The following CCDC50 variants were observed in gnomAD, a reference collection of about 807,000 sequenced individuals.
The protein encoded by CCDC50 is coiled-coil domain containing 50.
In CCDC50, 54 loss-of-function variants were observed where a neutral mutation model predicts 70.2. The observed-to-expected ratio is 0.77, with a 90% CI of 0.62 to 0.96. The LOEUF (loss-of-function observed/expected upper bound fraction) is 0.96. CCDC50 is among the 50% of genes least tolerant of loss of function. The pLI, the probability that CCDC50 is intolerant of heterozygous loss-of-function variation, is 0.00. For synonymous variants in CCDC50, 216 were observed against 198.8 expected, an observed-to-expected ratio of 1.09 and a Z score of -0.73; for missense variants, 558 against 578.7, an observed-to-expected ratio of 0.96 and a Z score of 0.37.
At chr3:191,374,660 G>A (rs1233919378) in intron 5 of CCDC50, among the ~76,000 whole-genome samples, 1 of 152,092 alleles carries the variant, frequency 6.6e-6, no homozygotes, top group Non-Finnish European at 1.5e-5. Context: ...AAATTACAAA[G>A]CTTAATTTTT....
At chr3:191,381,775 G>T (rs558851233) in intron 9 of CCDC50, among the ~76,000 whole-genome samples, 1 of 152,070 alleles carries the variant, frequency 6.6e-6, no homozygotes, top group Non-Finnish European at 1.5e-5. Context: ...TGAAACCTAG[G>T]TTGTGTATTC....
chr3:191,393,872 G>C lies in CCDC50; in HGVS notation c.*2112G>C, dbSNP rs1461058108. On this transcript the variant is annotated 3_prime_UTR_variant, in exon 12 of 12. Coordinates refer to ENST00000392455, the MANE Select transcript of CCDC50 (RefSeq NM_178335.3). ...AAAGTTTTTTTATTGTAATTTTAAA[G>C]GAAAAAAACAATGTATTTTTATTTG... 6.6e-6 allele frequency: 1 copy of C among 151,892 alleles called. No homozygotes were observed. Among genetic ancestry groups the C allele is most frequent in the Non-Finnish European group, 1.5e-5 (1 of 67,956 alleles). 9.4% of individuals were successfully genotyped at this position (151,892 alleles called of 1,614,324 possible). A position where few individuals can be genotyped will look rare whatever the true frequency, so the allele number is the denominator to read the frequency against.
intron 11 of CCDC50, among the ~76,000 whole-genome samples, chr3:191,391,151 A>G (rs1449256334): frequency 6.6e-6 from 1 of 152,210 alleles, no homozygotes; most frequent in African/African-American, 2.4e-5. Context: ...TTTATTTGTT[A>G]TGATTTTTGA....
rs1310833137 is a variant in CCDC50, at chr3:191,370,043, A to G, written c.448+7A>G. 2.0e-6 allele frequency: 3 copies of G among 1,522,748 alleles called. No individual in the cohort carries two copies. Among genetic ancestry groups the G allele is most frequent in the African/African-American group, 2.7e-5 (2 of 73,192 alleles). The allele number at this position is 1,522,748 out of a possible 1,614,324, so 94.3% of individuals were successfully genotyped here. A position where few individuals can be genotyped will look rare whatever the true frequency, so the allele number is the denominator to read the frequency against. On this transcript the variant is annotated splice_region_variant and intron_variant, in intron 5 of 11. Coordinates refer to ENST00000392455, the MANE Select transcript of CCDC50 (RefSeq NM_178335.3). Reference sequence around the variant, plus strand: ...TACTATTATGAAGATGGAGGTAACAATTCCTGCATCATGATCTATTCTATC... The same window carrying G: ...TACTATTATGAAGATGGAGGTAACAGTTCCTGCATCATGATCTATTCTATC...
At chr3:191,382,281 T>C (rs1347550202) in intron 9 of CCDC50, among the ~76,000 whole-genome samples, 1 of 152,178 alleles carries the variant, frequency 6.6e-6, no homozygotes, top group Non-Finnish European at 1.5e-5. Flanking sequence ...TTGACTTGAA[T>C]GTGCCTTAGT....
chr3:191,394,436 T>C lies in CCDC50; in HGVS notation c.*2676T>C, dbSNP rs1440137448. The C allele has an allele frequency of 6.6e-6, 1 of 152,166 alleles. No individual in the cohort carries two copies. 9.4% of individuals were successfully genotyped at this position (152,166 alleles called of 1,614,324 possible). A position where few individuals can be genotyped will look rare whatever the true frequency, so the allele number is the denominator to read the frequency against. Reference sequence around the variant, plus strand: ...GACACTTTTCACTGTGTTCTCTGCTTTTTACTTTGTCATTTTTATATAAAT... The same window carrying C: ...GACACTTTTCACTGTGTTCTCTGCTCTTTACTTTGTCATTTTTATATAAAT... On this transcript the variant is annotated 3_prime_UTR_variant, in exon 12 of 12. Coordinates refer to ENST00000392455, the MANE Select transcript of CCDC50 (RefSeq NM_178335.3).
intron 4 of CCDC50, among the ~76,000 whole-genome samples, chr3:191,364,072 T>G (rs1712588844): frequency 6.9e-6 from 1 of 145,064 alleles, no homozygotes; most frequent in Non-Finnish European, 1.5e-5. Flanking sequence ...CTCTTAGTTC[T>G]TATTTTTTTT....
intron 1 of CCDC50, among the ~76,000 whole-genome samples, chr3:191,346,426 A>G (rs909024885): frequency 6.6e-6 from 1 of 152,232 alleles, no homozygotes; most frequent in African/African-American, 2.4e-5. Context: ...CTAAATTTAA[A>G]TAGAAAAGTC....
At chr3:191,374,238 A>G (rs1478211788) in intron 5 of CCDC50, among the ~76,000 whole-genome samples, 2 of 152,184 alleles carry the variant, frequency 1.3e-5, no homozygotes, top group Non-Finnish European at 2.9e-5. Context: ...TGAAGTTTAT[A>G]TTAAATTTGG....
intron 1 of CCDC50, among the ~76,000 whole-genome samples, chr3:191,342,999 T>A (rs1446467243): frequency 1.3e-5 from 2 of 152,170 alleles, no homozygotes; most frequent in Non-Finnish European, 2.9e-5. Context: ...ACAGTGTGGG[T>A]TTGAACTGTG....
intron 1 of CCDC50, among the ~76,000 whole-genome samples, chr3:191,329,953 G>T (rs1174267649): frequency 7.1e-6 from 1 of 141,508 alleles, no homozygotes; most frequent in Admixed American, 7.1e-5. Flanking sequence ...GGGGGGGGGG[G>T]GGGCTAGCAG....
At chr3:191,329,944 G>C (rs113576372) in intron 1 of CCDC50, among the ~76,000 whole-genome samples, 1 of 29,194 alleles carries the variant, frequency 3.4e-5, no homozygotes, top group African/African-American at 5.2e-4. Context: ...GGGGTGGTTG[G>C]GGGGGGGGGG....
rs1023097706 is a variant in CCDC50 at position 191,364,017 on chromosome 3, C to G, written c.330+2858C>G. On this transcript the variant is annotated intron_variant, in intron 4 of 11. Transcript: ENST00000392455. The stretch of plus-strand genomic sequence containing the variant: ...TAATACTGAGACAGTAGTGCTAACT[C>G]TTCCGGCCAATTTTTGAAAAAGAAT... Among the ~76,000 whole-genome samples, 8 of 151,724 alleles carry G rather than the reference C, an allele frequency of 5.3e-5. 1 individual carries two copies. Among genetic ancestry groups the G allele is most frequent in the Non-Finnish European group, 1.0e-4 (7 of 67,976 alleles).
chr3:191,355,920 G>A (rs549873876), intron 1 of CCDC50, among the ~76,000 whole-genome samples: 28 of 152,264 alleles, frequency 1.8e-4, no homozygotes, highest in African/African-American at 6.5e-4. Flanking sequence ...CCTCAGTCGT[G>A]AAGGACACAA....
Position 191,357,144 on chromosome 3 carries a change from CAA to C in CCDC50, c.107_108del (p.Gln36ArgfsTer3). On this transcript the variant is annotated frameshift_variant, in exon 2 of 12. Transcript: ENST00000392455. LOFTEE classifies it high-confidence loss of function. ...CACCCTGGCTCACAGCCTGCAGGAA[CAA>C]GAGAGTGAGTAATACCTCTCATTTA... ...DHTLAHSLQEQEIEHHLASNV... is the reference protein window; with the variant it reads ...DHTLAHSLQEXEIEHHLASNV... 1 of 1,613,140 alleles carries C rather than the reference CAA, an allele frequency of 6.2e-7. No homozygotes were observed. Among genetic ancestry groups the C allele is most frequent in the Non-Finnish European group, 8.5e-7 (1 of 1,179,278 alleles).
rs770218083 is a variant in CCDC50, at chr3:191,375,320, C to T, written c.707C>T (p.Pro236Leu). ...TCCACTCAGGAGAGGCCTCGGAGACCTCTGCTTCCCACGATCAGTGGTGAA... is the reference window on the plus strand; with the variant it reads ...TCCACTCAGGAGAGGCCTCGGAGACTTCTGCTTCCCACGATCAGTGGTGAA... ...KRSTQERPRR[P>L]LLPTISGEVF... Residue 236 changes from proline (P) to leucine (L), a missense_variant, in exon 6 of 12, where the codon CCT (proline) becomes CTT (leucine). By Grantham distance (98) the Pro-to-Leu change is moderately conservative. Transcript: ENST00000392455. The T allele has an allele frequency of 6.2e-7, 1 of 1,613,734 alleles. No homozygotes were observed. The highest frequency in any genetic ancestry group is 1.1e-5 in the South Asian group (1 of 91,058).
At chr3:191,330,170 C>T (rs146100100) in intron 1 of CCDC50, among the ~76,000 whole-genome samples, 2 of 152,192 alleles carry the variant, frequency 1.3e-5, no homozygotes, top group Non-Finnish European at 2.9e-5. Context: ...CCCTCCTTCT[C>T]TCCCTACTTT....
At chr3:191,361,321 C>T (rs553703098) in intron 4 of CCDC50, among the ~76,000 whole-genome samples, 162 bp downstream of exon 4, 5 of 152,144 alleles carry the variant, frequency 3.3e-5, no homozygotes, top group Non-Finnish European at 7.4e-5. Context: ...GATTTATAGC[C>T]TCTTGATTAT....
At chr3:191,347,675 T>C (rs1264816776) in intron 1 of CCDC50, among the ~76,000 whole-genome samples, 1 of 142,072 alleles carries the variant, frequency 7.0e-6, no homozygotes, top group Admixed American at 7.2e-5. Flanking sequence ...TATATCACTT[T>C]TCTAGGTATT....
Sources: allele counts gnomAD v4.1 joint callset (sites outside exome capture counted in the v4.1 genomes callset), GRCh38; gene constraint gnomAD v4.1.1; transcripts MANE v1.5; gene names NCBI Gene and HGNC (gene_info 2026-07-23, HGNC 2026-07-21).